The following BRIP1 variants were observed in gnomAD, a reference collection of about 807,000 sequenced individuals.
BRIP1 encodes the protein Fanconi anemia group J protein.
Under a neutral mutation model 119.7 loss-of-function variants are expected in BRIP1, and 88 were observed. The observed-to-expected ratio is 0.74, with a 90% confidence interval of 0.62 to 0.88. The LOEUF (loss-of-function observed/expected upper bound fraction) is 0.88. Among genes scored for constraint, BRIP1 ranks in the 40% least tolerant of loss-of-function variants. The probability of loss-of-function intolerance (pLI) is 0.00; values close to 1 mark genes in which losing one functional copy is unlikely to be tolerated. For synonymous variants in BRIP1, 443 were observed against 496.5 expected (o/e 0.89, Z 1.43); for missense variants, 1,259 against 1,455.4 (o/e 0.87, Z 2.20).
At position 61,697,003 on chromosome 17, in the gene BRIP1, A is replaced by AAG. The variant is rs1491195142; in HGVS notation, c.2493-3492_2493-3491insCT. 2.7e-3 allele frequency among the ~76,000 whole-genome samples: 322 copies of AAG among 121,238 alleles called. 1 individual carries two copies. The highest frequency in any genetic ancestry group is 4.5e-3 in the Non-Finnish European group (276 of 61,070). The allele number at this position is 121,238 out of a possible 152,430, so 79.5% of individuals were successfully genotyped here. On this transcript the variant is annotated intron_variant, in intron 17 of 19. Coordinates refer to ENST00000259008, the MANE Select transcript of BRIP1 (RefSeq NM_032043.3). ...TCTGTCTCAAAAAAAAAAAAAAAAA[A>AAG]GGGGGGGGGAAGTGTTTTGATGACA...
Position 61,722,766 on chromosome 17 carries a change from C to T in BRIP1, c.2380-6703G>A, listed in dbSNP as rs969201762. On this transcript the variant is annotated intron_variant, in intron 16 of 19. Coordinates refer to ENST00000259008, the MANE Select transcript of BRIP1 (RefSeq NM_032043.3). The surrounding 1 kb of genome is among the most constrained non-coding windows in gnomAD (Gnocchi z 4.6). ...ATTAGATTAAATAAAATTATGACTC[C>T]TTGGTCTTCTATTTTTCATTAACAT... Among the ~76,000 whole-genome samples the T allele has an allele frequency of 2.6e-5, 4 of 152,144 alleles. No individual in the cohort carries two copies. The highest frequency in any genetic ancestry group is 9.7e-5 in the African/African-American group (4 of 41,442).
Position 61,808,411 on chromosome 17 carries a change from G to A in BRIP1, c.918+56C>T, listed in dbSNP as rs2145408844. 1 of 1,510,776 alleles carries A rather than the reference G, an allele frequency of 6.6e-7. No individual in the cohort carries two copies. Among genetic ancestry groups the A allele is most frequent in the African/African-American group, 1.4e-5 (1 of 72,778 alleles). The allele number at this position is 1,510,776 out of a possible 1,614,324, so 93.6% of individuals were successfully genotyped here. A position where few individuals can be genotyped will look rare whatever the true frequency, so the allele number is the denominator to read the frequency against. ...AATGTACATATAAAACACATACTGA[G>A]TAATTTAAATATTTTCAGCCTTATT... On this transcript the variant is annotated intron_variant, in intron 7 of 19. Transcript: ENST00000259008. The surrounding 1 kb of genome is among the most constrained non-coding windows in gnomAD (Gnocchi z 4.1).
Position 61,809,356 on chromosome 17 carries a change from G to A in BRIP1, c.628-599C>T, listed in dbSNP as rs1377858870. Among the ~76,000 whole-genome samples, 3 of 152,212 alleles carry A rather than the reference G, an allele frequency of 2.0e-5. No homozygotes were observed. Among genetic ancestry groups the A allele is most frequent in the South Asian group, 2.1e-4 (1 of 4,828 alleles). ...AATAATGAAAGCAGGTTGCTTGTGT[G>A]GAACAAGTATATCTGAAATTCAGTT... is the stretch of plus-strand genomic sequence containing the variant. On this transcript the variant is annotated intron_variant, in intron 6 of 19. Transcript: ENST00000259008. The surrounding 1 kb of genome is among the most constrained non-coding windows in gnomAD (Gnocchi z 5.2).
chr17:61,704,749 T>C lies in BRIP1; in HGVS notation c.2492+11202A>G, dbSNP rs534660773. ...TCATCTAAGTTATCAAATGTATATG[T>C]ATAGAGTTTTTCGTAGTATTCTCAT... On this transcript the variant is annotated intron_variant, in intron 17 of 19. Transcript: ENST00000259008. This position sits in a 1 kb window ranked among gnomAD's most constrained non-coding sequence, Gnocchi z 5.7. 6.6e-6 allele frequency among the ~76,000 whole-genome samples: 1 copy of C among 152,280 alleles called. No individual in the cohort carries two copies. The highest frequency in any genetic ancestry group is 2.4e-5 in the African/African-American group (1 of 41,580).
rs928597982 is a variant in BRIP1, at chr17:61,756,589, A to G, written c.2098-11998T>C. Among the ~76,000 whole-genome samples, 1 of 152,192 alleles carries G rather than the reference A, an allele frequency of 6.6e-6. No homozygotes were observed. Among genetic ancestry groups the G allele is most frequent in the African/African-American group, 2.4e-5 (1 of 41,462 alleles). The stretch of plus-strand genomic sequence containing the variant: ...AGACACTTTAGAATGCCCATGTCTT[A>G]TCTGGATATTGTCATTTTACTTTGT... On this transcript the variant is annotated intron_variant, in intron 14 of 19. Transcript: ENST00000259008. The surrounding 1 kb of genome is among the most constrained non-coding windows in gnomAD (Gnocchi z 4.3).
Position 61,789,794 on chromosome 17 carries a change from TA to T in BRIP1, c.1473+3802del, listed in dbSNP as rs1158479441. ...TAAAACAAATGTGTCATATCAGAAA[TA>T]TATTTATAATAAGCAAATATGGGCA... On this transcript the variant is annotated intron_variant, in intron 10 of 19. Transcript: ENST00000259008. This position sits in a 1 kb window ranked among gnomAD's most constrained non-coding sequence, Gnocchi z 4.8. Among the ~76,000 whole-genome samples, 4 of 152,188 alleles carry T rather than the reference TA, an allele frequency of 2.6e-5. No homozygotes were observed. Among genetic ancestry groups the T allele is most frequent in the Non-Finnish European group, 5.9e-5 (4 of 68,024 alleles).
Position 61,743,604 on chromosome 17 carries a change from AG to A in BRIP1, c.2258-471del, listed in dbSNP as rs1181743705. ...ACACCATAATATATACACCATAAAA[AG>A]ATACTGATATGTTATATTACCTCTT... is the stretch of plus-strand genomic sequence containing the variant. On this transcript the variant is annotated intron_variant, in intron 15 of 19. Coordinates refer to ENST00000259008, the MANE Select transcript of BRIP1 (RefSeq NM_032043.3). This position sits in a 1 kb window ranked among gnomAD's most constrained non-coding sequence, Gnocchi z 4.3. Among the ~76,000 whole-genome samples the A allele has an allele frequency of 2.0e-5, 3 of 152,192 alleles. No homozygotes were observed. The highest frequency in any genetic ancestry group is 2.9e-5 in the Non-Finnish European group (2 of 68,032).
intron 10 of BRIP1, among the ~76,000 whole-genome samples, chr17:61,786,294 GACA>G (rs928430953): frequency 6.6e-5 from 10 of 151,834 alleles, no homozygotes; most frequent in Non-Finnish European, 8.8e-5. Flanking sequence ...AAAGTCAACA[GACA>G]ACATCTAAAA....
rs867123440 is a variant in BRIP1 at position 61,834,811 on chromosome 17, A to C, written c.627+12290T>G. Among the ~76,000 whole-genome samples, 5 of 152,232 alleles carry C rather than the reference A, an allele frequency of 3.3e-5. No individual in the cohort carries two copies. Among genetic ancestry groups the C allele is most frequent in the African/African-American group, 1.2e-4 (5 of 41,466 alleles). ...TGACTACCAATCAACTCCCTGAAGC[A>C]GGGCTGCCTTGCTGACTTACAGCTG... On this transcript the variant is annotated intron_variant, in intron 6 of 19. Coordinates refer to ENST00000259008, the MANE Select transcript of BRIP1 (RefSeq NM_032043.3). This position sits in a 1 kb window ranked among gnomAD's most constrained non-coding sequence, Gnocchi z 4.4.
chr17:61,775,844 C>A lies in BRIP1; in HGVS notation c.2097+557G>T, dbSNP rs1047635198. On this transcript the variant is annotated intron_variant, in intron 14 of 19. Transcript: ENST00000259008. This position sits in a 1 kb window ranked among gnomAD's most constrained non-coding sequence, Gnocchi z 4.4. ...TAAAAATGTACACATAAACACTTCT[C>A]CTATATAATTAACATTGCTTGAAGA... 6.5e-6 allele frequency: 1 copy of A among 153,582 alleles called. No individual in the cohort carries two copies. The highest frequency in any genetic ancestry group is 1.9e-4 in the East Asian group (1 of 5,226). 9.5% of individuals were successfully genotyped at this position (153,582 alleles called of 1,614,324 possible). A position where few individuals can be genotyped will look rare whatever the true frequency, so the allele number is the denominator to read the frequency against.
chr17:61,706,634 G>T lies in BRIP1; in HGVS notation c.2492+9317C>A, dbSNP rs933968340. Among the ~76,000 whole-genome samples, 1 of 151,962 alleles carries T rather than the reference G, an allele frequency of 6.6e-6. No individual in the cohort carries two copies. On this transcript the variant is annotated intron_variant, in intron 17 of 19. Coordinates refer to ENST00000259008, the MANE Select transcript of BRIP1 (RefSeq NM_032043.3). This position sits in a 1 kb window ranked among gnomAD's most constrained non-coding sequence, Gnocchi z 5.7. ...TTGGTTTTTGAACTTTAGAACTTACGTACTGATTCTCTCCTGTGGAAGATG... is the reference window on the plus strand; with the variant it reads ...TTGGTTTTTGAACTTTAGAACTTACTTACTGATTCTCTCCTGTGGAAGATG...
rs755311277 is a variant in BRIP1 at position 61,744,615 on chromosome 17, G to T, written c.2098-24C>A. The T allele has an allele frequency of 6.2e-7, 1 of 1,602,982 alleles. No homozygotes were observed. The highest frequency in any genetic ancestry group is 1.7e-5 in the Admixed American group (1 of 59,974). Reference sequence around the variant, plus strand: ...AACTAAAGAGGGGAAAGAAAAAAATGATTTTTTGTGTGTCTAGCTAAACAA... The same window carrying T: ...AACTAAAGAGGGGAAAGAAAAAAATTATTTTTTGTGTGTCTAGCTAAACAA... On this transcript the variant is annotated intron_variant, in intron 14 of 19. Coordinates refer to ENST00000259008, the MANE Select transcript of BRIP1 (RefSeq NM_032043.3). The surrounding 1 kb of genome is among the most constrained non-coding windows in gnomAD (Gnocchi z 5.0).
Position 61,680,480 on chromosome 17 carries a change from C to CTTTTTT in BRIP1, c.*2810_*2815dup, listed in dbSNP as rs768910110. On this transcript the variant is annotated 3_prime_UTR_variant, in exon 20 of 20. Coordinates refer to ENST00000259008, the MANE Select transcript of BRIP1 (RefSeq NM_032043.3). ...AGTTTACCAATTCTAAAGGTAATTT[C>CTTTTTT]TTTTTTTTTTTTTTTTTGAGACGGA... 0.041 allele frequency among the ~76,000 whole-genome samples: 5,103 copies of CTTTTTT among 123,816 alleles called. 605 individuals carry two copies. The highest frequency in any genetic ancestry group is 0.15 in the African/African-American group (4,722 of 31,516). The allele number at this position is 123,816 out of a possible 152,430, so 81.2% of individuals were successfully genotyped here. A position where few individuals can be genotyped will look rare whatever the true frequency, so the allele number is the denominator to read the frequency against.
intron 17 of BRIP1, among the ~76,000 whole-genome samples, chr17:61,696,136 A>T (rs911462346): frequency 6.6e-6 from 1 of 151,144 alleles, no homozygotes; most frequent in African/African-American, 2.4e-5. Flanking sequence ...TAAGTAAGTA[A>T]CCTTATATTC....
At position 61,834,999 on chromosome 17, in the gene BRIP1, G is replaced by A. The variant is rs2078549682; in HGVS notation, c.627+12102C>T. ...ATTGCATGTGTGTGTGCACGCACAT[G>A]TGCGCACTTAAGAATAGACAGCAGG... On this transcript the variant is annotated intron_variant, in intron 6 of 19. Coordinates refer to ENST00000259008, the MANE Select transcript of BRIP1 (RefSeq NM_032043.3). This position sits in a 1 kb window ranked among gnomAD's most constrained non-coding sequence, Gnocchi z 4.4. Among the ~76,000 whole-genome samples, 1 of 152,230 alleles carries A rather than the reference G, an allele frequency of 6.6e-6. No individual in the cohort carries two copies. The highest frequency in any genetic ancestry group is 1.5e-5 in the Non-Finnish European group (1 of 68,044).
chr17:61,700,380 G>A lies in BRIP1; in HGVS notation c.2493-6868C>T, dbSNP rs879895134. Reference sequence around the variant, plus strand: ...CCTTTTAGTATTTCTCGTAGGACAAGTTTGCTACAGAGTAATTCTCTTGGT... The same window carrying A: ...CCTTTTAGTATTTCTCGTAGGACAAATTTGCTACAGAGTAATTCTCTTGGT... On this transcript the variant is annotated intron_variant, in intron 17 of 19. Transcript: ENST00000259008. This position sits in a 1 kb window ranked among gnomAD's most constrained non-coding sequence, Gnocchi z 4.1. Among the ~76,000 whole-genome samples, 1 of 152,118 alleles carries A rather than the reference G, an allele frequency of 6.6e-6. No individual in the cohort carries two copies. Among genetic ancestry groups the A allele is most frequent in the African/African-American group, 2.4e-5 (1 of 41,426 alleles).
rs2093436932 is a variant in BRIP1 at position 61,844,261 on chromosome 17, A to G, written c.627+2840T>C. ...TATTTAAAAATTAAGATCAGGCAGTATGTGTCCAAAGTCCATTCTCTTAAC... is the reference window on the plus strand; with the variant it reads ...TATTTAAAAATTAAGATCAGGCAGTGTGTGTCCAAAGTCCATTCTCTTAAC... On this transcript the variant is annotated intron_variant, in intron 6 of 19. Coordinates refer to ENST00000259008, the MANE Select transcript of BRIP1 (RefSeq NM_032043.3). The surrounding 1 kb of genome is among the most constrained non-coding windows in gnomAD (Gnocchi z 4.7). Among the ~76,000 whole-genome samples the G allele has an allele frequency of 6.6e-6, 1 of 152,126 alleles. No homozygotes were observed. The highest frequency in any genetic ancestry group is 6.6e-5 in the Admixed American group (1 of 15,260).
rs2061277643 is a variant in BRIP1, at chr17:61,682,069, A to G, written c.*1227T>C. On this transcript the variant is annotated 3_prime_UTR_variant, in exon 20 of 20. Coordinates refer to ENST00000259008, the MANE Select transcript of BRIP1 (RefSeq NM_032043.3). The surrounding 1 kb of genome is among the most constrained non-coding windows in gnomAD (Gnocchi z 4.9). ...TATAATCATTTTTGATTAGACATAT[A>G]GCTTCATTCACAAAAACACAAACAA... 1 of 204,014 alleles carries G rather than the reference A, an allele frequency of 4.9e-6. No homozygotes were observed. The highest frequency in any genetic ancestry group is 1.0e-5 in the Non-Finnish European group (1 of 99,694). 12.6% of individuals were successfully genotyped at this position (204,014 alleles called of 1,614,324 possible). A position where few individuals can be genotyped will look rare whatever the true frequency, so the allele number is the denominator to read the frequency against.
rs750622727 is a variant in BRIP1 at position 61,755,606 on chromosome 17, T to A, written c.2098-11015A>T. On this transcript the variant is annotated intron_variant, in intron 14 of 19. Coordinates refer to ENST00000259008, the MANE Select transcript of BRIP1 (RefSeq NM_032043.3). This position sits in a 1 kb window ranked among gnomAD's most constrained non-coding sequence, Gnocchi z 4.5. ...ATTAAAAATAAGAGTATCCAGATGC[T>A]TTGTAAGATGACAAAGATGAGGGGG... is the stretch of plus-strand genomic sequence containing the variant. Among the ~76,000 whole-genome samples the A allele has an allele frequency of 4.6e-5, 7 of 151,928 alleles. No individual in the cohort carries two copies. The highest frequency in any genetic ancestry group is 1.0e-4 in the Non-Finnish European group (7 of 67,972).
Sources: gnomAD v4.1 joint callset for allele counts (sites outside exome capture counted in the v4.1 genomes callset) on GRCh38, gnomAD v4.1.1 for gene constraint, Gnocchi (gnomAD v3.1) non-coding constraint, MANE v1.5 for transcripts, NCBI Gene and HGNC (gene_info 2026-07-23, HGNC 2026-07-21) for gene names.